KIF4A: variants seen among roughly 807,000 people sequenced by gnomAD.
KIF4A encodes the protein chromosome-associated kinesin KIF4A.
In KIF4A, 7 loss-of-function variants were observed where a neutral mutation model predicts 105.9. The observed-to-expected ratio is 0.07, with a 90% confidence interval of 0.04 to 0.12. KIF4A has a LOEUF of 0.12. KIF4A is among the 10% of genes least tolerant of loss of function. KIF4A has a pLI of 1.00. For missense variants in KIF4A, 558 were observed against 929.2 expected (o/e 0.60, Z 5.19); for synonymous variants, 281 against 331.3 (o/e 0.85, Z 1.65).
intron 18 of KIF4A, among the ~76,000 whole-genome samples, chrX:70,376,723 T>A (rs1438223025): frequency 1.8e-5 from 2 of 112,146 alleles, no homozygotes; most frequent in African/African-American, 6.5e-5. Flanking sequence ...AGTATAGTAG[T>A]GGACCATTCC....
At chrX:70,405,726 C>T (rs1420125188) in intron 25 of KIF4A, 102 bp from the exon 26 acceptor site, 2 of 588,011 alleles carry the variant, frequency 3.4e-6, no homozygotes, top group Admixed American at 2.6e-5. Context: ...CATCTGCTGC[C>T]AGCAACTTGG....
At chrX:70,338,071 T>C (rs1328977243) in intron 10 of KIF4A, among the ~76,000 whole-genome samples, 1 of 112,382 alleles carries the variant, frequency 8.9e-6, no homozygotes. Context: ...GTTTATGATT[T>C]TTTTGTCATA....
intron 7 of KIF4A, among the ~76,000 whole-genome samples, chrX:70,308,260 CTGTGCATATGTGTATG>C (rs929799639): frequency 3.6e-5 from 4 of 112,459 alleles, no homozygotes; most frequent in Non-Finnish European, 7.5e-5. Context: ...AGATGTTTTT[CTGTGCATATGTGTATG>C]TGTGCATATA....
rs145341270 is a variant in KIF4A, at chrX:70,341,761, T to A, written c.1134-38T>A. ...CCACCTTTGATATAGGTATTATCAATCAGATATTTTTCTAATATGTTATTT... is the reference window on the plus strand; with the variant it reads ...CCACCTTTGATATAGGTATTATCAAACAGATATTTTTCTAATATGTTATTT... On this transcript the variant is annotated intron_variant, in intron 10 of 30. Transcript: ENST00000374403. 9.4e-4 allele frequency: 1,105 copies of A among 1,173,668 alleles called. 9 individuals carry two copies. In the East Asian group the frequency reaches 0.028, roughly 30 times the overall value.
rs139754958 is a variant in KIF4A at position 70,379,643 on chromosome X, T to G, written c.2034+3433T>G. Among the ~76,000 whole-genome samples, 984 of 108,633 alleles carry G rather than the reference T, an allele frequency of 9.1e-3. 15 individuals carry two copies. Among genetic ancestry groups the G allele is most frequent in the Non-Finnish European group, 7.3e-3 (382 of 52,172 alleles). 94.3% of individuals were successfully genotyped at this position (108,633 alleles called of 115,157 possible). On this transcript the variant is annotated intron_variant, in intron 18 of 30. Coordinates refer to ENST00000374403, the MANE Select transcript of KIF4A (RefSeq NM_012310.5). ...CTGTCTCTACTAAAAGTACAAAAAT[T>G]ATTTGGGTGTGGTGACACACACTTG...
At position 70,341,105 on chromosome X, in the gene KIF4A, A is replaced by G. The variant is rs759789204; in HGVS notation, c.1134-694A>G. Reference sequence around the variant, plus strand: ...TTTCCTCGTATTTGAAATGGACACCATTGTTGTCATGACTCACTCTAAGTA... The same window carrying G: ...TTTCCTCGTATTTGAAATGGACACCGTTGTTGTCATGACTCACTCTAAGTA... On this transcript the variant is annotated intron_variant, in intron 10 of 30. Coordinates refer to ENST00000374403, the MANE Select transcript of KIF4A (RefSeq NM_012310.5). 3.6e-5 allele frequency among the ~76,000 whole-genome samples: 4 copies of G among 111,439 alleles called. No individual in the cohort carries two copies. In the South Asian group the frequency reaches 1.5e-3, roughly 42 times the overall value.
At chrX:70,312,140 CTTTTTT>C (rs527848699) in intron 7 of KIF4A, among the ~76,000 whole-genome samples, 1 of 78,087 alleles carries the variant, frequency 1.3e-5, no homozygotes, top group Non-Finnish European at 2.5e-5. Context: ...TTTTAAATGT[CTTTTTT>C]TTTTTTTTTT....
At chrX:70,409,364 T>TG (rs780927832) in intron 28 of KIF4A, among the ~76,000 whole-genome samples, 1 of 111,535 alleles carries the variant, frequency 9.0e-6, no homozygotes, top group South Asian at 3.8e-4. Flanking sequence ...TTAGAGAAAA[T>TG]GGGGCAGAGC....
Position 70,290,148 on chromosome X carries a change from T to G in KIF4A, c.-24T>G. ...GGAGAACGGGGAAGGGACATTTAGTTTGGTGAGTTACGGGGGCACACCTTA... is the reference window on the plus strand; with the variant it reads ...GGAGAACGGGGAAGGGACATTTAGTGTGGTGAGTTACGGGGGCACACCTTA... On this transcript the variant is annotated splice_region_variant and 5_prime_UTR_variant, in exon 1 of 31. Coordinates refer to ENST00000374403, the MANE Select transcript of KIF4A (RefSeq NM_012310.5). 4.9e-6 allele frequency: 1 copy of G among 202,035 alleles called. No individual in the cohort carries two copies. Among genetic ancestry groups the G allele is most frequent in the Non-Finnish European group, 9.0e-6 (1 of 110,628 alleles). 16.6% of individuals were successfully genotyped at this position (202,035 alleles called of 1,213,427 possible).
intron 15 of KIF4A, among the ~76,000 whole-genome samples, chrX:70,371,661 C>CCCTA (rs1162377959): frequency 1.4e-4 from 15 of 105,848 alleles, no homozygotes; most frequent in Non-Finnish European, 2.3e-4. Context: ...GGGCTGACCC[C>CCCTA]CCTACCTCCC....
In KIF4A at chrX:70,376,101, T is replaced by C; in HGVS notation, c.1925T>C (p.Met642Thr). 3 of 1,190,308 alleles carry C rather than the reference T, an allele frequency of 2.5e-6. No homozygotes were observed. The highest frequency in any genetic ancestry group is 3.4e-6 in the Non-Finnish European group (3 of 878,977). The change falls in exon 18 of 31, where the codon ATG becomes ACG. Residue 642 changes from methionine to threonine, a missense_variant and splice_region_variant. By Grantham distance (81) the Met-to-Thr change is moderately conservative. Coordinates refer to ENST00000374403, the MANE Select transcript of KIF4A (RefSeq NM_012310.5). ...TVSKLNQEIRMMKNQRVQLMR... is the reference protein window; with the variant it reads ...TVSKLNQEIRTMKNQRVQLMR... Reference sequence around the variant, plus strand: ...TTTTGCTGGTTTTTGTTTTTATAGATGATGAAAAACCAGCGGGTACAGTTA... The same window carrying C: ...TTTTGCTGGTTTTTGTTTTTATAGACGATGAAAAACCAGCGGGTACAGTTA...
chrX:70,347,255 CATCACCTTTATGAA>C (rs770783575), intron 13 of KIF4A, among the ~76,000 whole-genome samples: 39 of 112,118 alleles, frequency 3.5e-4, no homozygotes, highest in African/African-American at 1.2e-3. Flanking sequence ...TTCCCCTAAC[CATCACCTTTATGAA>C]ATCACGTTTT....
intron 13 of KIF4A, among the ~76,000 whole-genome samples, chrX:70,348,359 T>G (rs762105152): frequency 9.0e-6 from 1 of 111,702 alleles, no homozygotes; most frequent in African/African-American, 3.3e-5. Context: ...GTTTTTTTGT[T>G]TTTTTTAGTA....
chrX:70,294,803 C>T (rs1050620320), intron 3 of KIF4A, among the ~76,000 whole-genome samples: 3 of 112,826 alleles, frequency 2.7e-5, no homozygotes, highest in African/African-American at 6.4e-5. Flanking sequence ...TGGGCATGGT[C>T]GCTCAAGCCT....
At chrX:70,296,873 T>C (rs1021123987) in intron 3 of KIF4A, 125 bp from the exon 4 acceptor site, 1 of 761,268 alleles carries the variant, frequency 1.3e-6, no homozygotes, top group Admixed American at 3.9e-5. Flanking sequence ...TGTCTGCCAT[T>C]CTTAAGAGAC....
chrX:70,381,138 G>A (rs556606156), intron 18 of KIF4A, among the ~76,000 whole-genome samples: 2 of 111,733 alleles, frequency 1.8e-5, no homozygotes, highest in African/African-American at 6.5e-5. Context: ...TACAGAGCAA[G>A]ACTCTGTCTC....
At position 70,327,125 on chromosome X, in the gene KIF4A, A is replaced by G. The variant is rs780310128; in HGVS notation, c.779-2280A>G. Among the ~76,000 whole-genome samples the G allele has an allele frequency of 3.6e-5, 4 of 111,905 alleles. No homozygotes were observed. In the South Asian group the frequency reaches 1.1e-3, roughly 31 times the overall value. ...GTTTGGCTAAAAAGAGAAGGAAAAG[A>G]CAGGAATGGACTAACATAGGATTTA... On this transcript the variant is annotated intron_variant, in intron 7 of 30. Transcript: ENST00000374403.
intron 15 of KIF4A, among the ~76,000 whole-genome samples, chrX:70,357,746 A>G (rs1232789108): frequency 8.9e-6 from 1 of 111,982 alleles, no homozygotes; most frequent in Non-Finnish European, 1.9e-5. Flanking sequence ...TTCTGTTTCC[A>G]GTATTGCTGT....
chrX:70,349,404 A>C (rs1199453), intron 13 of KIF4A, among the ~76,000 whole-genome samples: 1 of 74,184 alleles, frequency 1.3e-5, no homozygotes, highest in Non-Finnish European at 2.5e-5. Flanking sequence ...GGGCAGAGAC[A>C]CTCCCTACTT....
Sources: allele counts gnomAD v4.1 joint callset (sites outside exome capture counted in the v4.1 genomes callset), GRCh38; gene constraint gnomAD v4.1.1; transcripts MANE v1.5; gene names NCBI Gene and HGNC (gene_info 2026-07-23, HGNC 2026-07-21).